Variants in CAPN14 observed in about 807,000 individuals in gnomAD.
CAPN14 encodes calpain 14.
A neutral mutation model predicts 101.3 loss-of-function variants in CAPN14; 94 were observed. The observed-to-expected ratio is 0.93, with a 90% CI of 0.79 to 1.10. CAPN14 has a LOEUF of 1.10. CAPN14 is among the 50% of genes least tolerant of loss of function. The pLI, the probability that CAPN14 is intolerant of heterozygous loss-of-function variation, is 0.00. For synonymous variants in CAPN14, 338 were observed against 317.9 expected, an observed-to-expected ratio of 1.06 and a Z score of -0.67; for missense variants, 837 against 828.4, an observed-to-expected ratio of 1.01 and a Z score of -0.13.
At chr2:31,178,603 G>A (rs1572386623) in intron 17 of CAPN14, 24 bp from the exon 18 acceptor site, 1 of 1,470,774 alleles carries the variant, frequency 6.8e-7, no homozygotes, top group Non-Finnish European at 9.1e-7. Context: ...TAAGGTAAAA[G>A]CTTCCAGGGA....
At chr2:31,218,325 C>T (rs1481712082), upstream of CAPN14, among the ~76,000 whole-genome samples, 5 of 151,280 alleles carry the variant, frequency 3.3e-5, no homozygotes, top group Non-Finnish European at 7.4e-5. Context: ...TGCCTGCCTC[C>T]ACGCTTGCAC....
At chr2:31,217,381 T>C (rs1029075896) in intron 1 of CAPN14, 75 bp downstream of exon 1, 8 of 152,216 alleles carry the variant, frequency 5.3e-5, no homozygotes, top group African/African-American at 1.9e-4. Context: ...TCTCACCTTC[T>C]AAACCCAGAC....
chr2:31,187,590 T>C (rs557470961), intron 15 of CAPN14, among the ~76,000 whole-genome samples, 168 bp downstream of exon 15: 1 of 152,348 alleles, frequency 6.6e-6, no homozygotes, highest in East Asian at 1.9e-4. Context: ...CACTCATTTG[T>C]CTAAAAACTT....
In CAPN14 at chr2:31,200,633, G is replaced by A; in HGVS notation, c.552-8C>T. 1 of 1,534,974 alleles carries A rather than the reference G, an allele frequency of 6.5e-7. No individual in the cohort carries two copies. The highest frequency in any genetic ancestry group is 8.8e-7 in the Non-Finnish European group (1 of 1,141,220). ...TCATAGGAACCAGAGAGCCTGGCCAGGGAAGAAATAAACATGAGAGGAAAA... is the reference window on the plus strand; with the variant it reads ...TCATAGGAACCAGAGAGCCTGGCCAAGGAAGAAATAAACATGAGAGGAAAA... On this transcript the variant is annotated splice_polypyrimidine_tract_variant and splice_region_variant and intron_variant, in intron 5 of 21. Transcript: ENST00000403897.
chr2:31,220,203 A>G (rs1486632159), upstream of CAPN14, among the ~76,000 whole-genome samples: 1 of 152,122 alleles, frequency 6.6e-6, no homozygotes, highest in Non-Finnish European at 1.5e-5. Flanking sequence ...AAGTAAAAAA[A>G]TCCAGTTGAG....
In CAPN14 at chr2:31,188,334, C is replaced by G; in HGVS notation, c.1514G>C (p.Gly505Ala). Residue 505 changes from glycine (G) to alanine (A), a missense_variant, in exon 14 of 22, where the codon GGT (glycine) becomes GCT (alanine). Gly to Ala is a moderately conservative substitution (Grantham distance 60). Transcript: ENST00000403897. ...ACTACTCACCTTTGAGAAGACGACA[C>G]CAGAATTGCTGCCAATTTCACTGAG... ...HIFYEIGSNS[G>A]VVFSKEIEDQ... is the part of the protein sequence containing the mutation. The G allele has an allele frequency of 1.9e-6, 3 of 1,551,606 alleles. No homozygotes were observed. Among genetic ancestry groups the G allele is most frequent in the Non-Finnish European group, 2.6e-6 (3 of 1,146,932 alleles).
At chr2:31,204,285 G>A (rs1304384955) in intron 2 of CAPN14, among the ~76,000 whole-genome samples, 1 of 152,198 alleles carries the variant, frequency 6.6e-6, no homozygotes, top group Non-Finnish European at 1.5e-5. Flanking sequence ...ATCAATGACA[G>A]TAAGACCTGG....
intron 2 of CAPN14, among the ~76,000 whole-genome samples, chr2:31,225,254 A>C (rs1425053822): frequency 6.6e-6 from 1 of 152,066 alleles, no homozygotes; most frequent in Non-Finnish European, 1.5e-5. Context: ...ATCATTTCTC[A>C]CTTCCCAAAT....
At position 31,212,328 on chromosome 2, in the gene CAPN14, C is replaced by A. The variant is rs202065162; in HGVS notation, c.-53+5128G>T. 6.4e-3 allele frequency among the ~76,000 whole-genome samples: 897 copies of A among 139,352 alleles called. 8 individuals carry two copies. The highest frequency in any genetic ancestry group is 0.02 in the African/African-American group (776 of 37,966). 91.4% of individuals were successfully genotyped at this position (139,352 alleles called of 152,430 possible). On this transcript the variant is annotated intron_variant, in intron 1 of 21. Coordinates refer to ENST00000403897, the MANE Select transcript of CAPN14 (RefSeq NM_001145122.2). Reference sequence around the variant, plus strand: ...GTCTCAAAACAAAAAAAAAAAAAAACAAAAAAAACACAATGTGGTACATGT... The same window carrying A: ...GTCTCAAAACAAAAAAAAAAAAAAAAAAAAAAAACACAATGTGGTACATGT...
intron 21 of CAPN14, among the ~76,000 whole-genome samples, chr2:31,175,026 C>A (rs186592534): frequency 6.6e-6 from 1 of 152,274 alleles, no homozygotes; most frequent in African/African-American, 2.4e-5. Context: ...TAGCAGAAAT[C>A]CATTAAAGCA....
At position 31,194,491 on chromosome 2, in the gene CAPN14, T is replaced by G; in HGVS notation, c.876-8A>C. The G allele has an allele frequency of 6.5e-7, 1 of 1,546,990 alleles. No homozygotes were observed. The highest frequency in any genetic ancestry group is 8.7e-7 in the Non-Finnish European group (1 of 1,142,880). On this transcript the variant is annotated splice_region_variant and splice_polypyrimidine_tract_variant and intron_variant, in intron 8 of 21. Transcript: ENST00000403897. ...AGCTCCCATTTACTTGAACTGAAAA[T>G]AGAAAAGGGAATGAAAAGCTTGTGG... is the stretch of plus-strand genomic sequence containing the variant.
chr2:31,186,280 CACATAATCCA>C (rs1020935176), intron 16 of CAPN14, 138 bp downstream of exon 16: 8 of 470,852 alleles, frequency 1.7e-5, no homozygotes, highest in Non-Finnish European at 1.1e-5. Context: ...TTTTTCAGAT[CACATAATCCA>C]CCTTGTGTAA....
intron 14 of CAPN14, 118 bp downstream of exon 14, chr2:31,188,200 A>G: frequency 1.1e-6 from 1 of 883,664 alleles, no homozygotes; most frequent in South Asian, 1.4e-5. Context: ...TTGCCATAGA[A>G]CAGGGTCTGT....
chr2:31,205,249 G>T lies in CAPN14; in HGVS notation c.199C>A (p.Pro67Thr). The T allele has an allele frequency of 1.3e-6, 2 of 1,549,794 alleles. No homozygotes were observed. The highest frequency in any genetic ancestry group is 1.7e-6 in the Non-Finnish European group (2 of 1,146,942). The change falls in exon 2 of 22, where the codon CCC becomes ACC. Residue 67 changes from proline to threonine, a missense_variant. Physicochemically the swap from Pro to Thr is conservative, Grantham distance 38. Transcript: ENST00000403897. ...GSGSLLQKLP[P>T]RLQWKRPPEL... ...GGGGGCCTCTTCCACTGCAGGCGGG[G>T]TGGCAGCTTCTGCAGCAGGGAGCCA... is the stretch of plus-strand genomic sequence containing the variant.
chr2:31,205,275 C>T lies in CAPN14; in HGVS notation c.173G>A (p.Ser58Asn). Residue 58 changes from serine to asparagine, a missense_variant, in exon 2 of 22, where the codon AGT becomes AAT. By Grantham distance (46) the Ser-to-Asn change is conservative. Transcript: ENST00000403897. Reference sequence around the variant, plus strand: ...TGGCAGCTTCTGCAGCAGGGAGCCACTGCCGATGGAGCTCAGGGTGGCCGG... The same window carrying T: ...TGGCAGCTTCTGCAGCAGGGAGCCATTGCCGATGGAGCTCAGGGTGGCCGG... ...SFPATLSSIGSGSLLQKLPPR... is the reference protein window; with the variant it reads ...SFPATLSSIGNGSLLQKLPPR... The T allele has an allele frequency of 6.5e-7, 1 of 1,550,110 alleles. No individual in the cohort carries two copies.
intron 1 of CAPN14, among the ~76,000 whole-genome samples, chr2:31,214,150 T>C (rs1487826298): frequency 1.3e-5 from 2 of 152,162 alleles, no homozygotes; most frequent in African/African-American, 4.8e-5. Context: ...CATAATACCA[T>C]GAATAAACAG....
intron 10 of CAPN14, among the ~76,000 whole-genome samples, chr2:31,192,484 G>C (rs1372570712): frequency 6.6e-6 from 1 of 152,216 alleles, no homozygotes; most frequent in Non-Finnish European, 1.5e-5. Context: ...GTCAGCTTCA[G>C]ACTATGGGGG....
chr2:31,197,988 A>G (rs1023460262), intron 7 of CAPN14, among the ~76,000 whole-genome samples: 1 of 145,762 alleles, frequency 6.9e-6, no homozygotes, highest in Admixed American at 7.1e-5. Flanking sequence ...TGCCCCCAAC[A>G]TTTTATGGTA....
upstream of CAPN14, among the ~76,000 whole-genome samples, chr2:31,218,283 T>A (rs1042002009): frequency 8.5e-5 from 10 of 117,804 alleles, no homozygotes; most frequent in African/African-American, 3.3e-4. Flanking sequence ...CTTGCACAGA[T>A]TTCCATCATA....
Sources: allele counts gnomAD v4.1 joint callset (sites outside exome capture counted in the v4.1 genomes callset), GRCh38; gene constraint gnomAD v4.1.1; transcripts MANE v1.5; gene names NCBI Gene and HGNC (gene_info 2026-07-23, HGNC 2026-07-21).